ANKRD18A: variants seen among roughly 807,000 people sequenced by gnomAD.
The protein encoded by ANKRD18A is ankyrin repeat domain-containing protein 18A.
A neutral mutation model predicts 110.6 loss-of-function variants in ANKRD18A; 72 were observed. The observed-to-expected ratio is 0.65, with a 90% CI of 0.54 to 0.79. The LOEUF (loss-of-function observed/expected upper bound fraction) is 0.79. Among genes scored for constraint, ANKRD18A ranks in the 30% least tolerant of loss-of-function variants. ANKRD18A has a pLI of 0.00. For synonymous variants in ANKRD18A, 305 were observed against 410.3 expected (o/e 0.74, Z 3.10); for missense variants, 934 against 1,163.3 (o/e 0.80, Z 2.87).
rs1473061816 is a variant in ANKRD18A at position 38,620,569 on chromosome 9, C to T, written c.-284G>A. 1.0e-5 allele frequency: 11 copies of T among 1,084,626 alleles called. No homozygotes were observed. The South Asian group carries it at 2.5e-4, about 25-fold the overall frequency. The allele number at this position is 1,084,626 out of a possible 1,614,324, so 67.2% of individuals were successfully genotyped here. On this transcript the variant is annotated 5_prime_UTR_variant, in exon 1 of 16. Coordinates refer to ENST00000399703, the MANE Select transcript of ANKRD18A (RefSeq NM_147195.4). ...TAAGCCGTTAGGCGCGCGCCTGAAC[C>T]TCAGCGCTCCGAACTCTCAGACCGA... is the stretch of plus-strand genomic sequence containing the variant.
At chr9:38,619,731 C>T (rs981886521) in intron 1 of ANKRD18A, among the ~76,000 whole-genome samples, 5 of 152,264 alleles carry the variant, frequency 3.3e-5, no homozygotes, top group Admixed American at 2.6e-4. Context: ...TAGGTGGATT[C>T]GGATGTAAAA....
At chr9:38,573,147 T>A (rs757440521) in intron 15 of ANKRD18A, 11 of 1,130,292 alleles carry the variant, frequency 9.7e-6, no homozygotes, top group South Asian at 9.2e-5. Context: ...AAGTAAATAA[T>A]AATAATAATA....
At chr9:38,567,271 A>G (rs192158804), downstream of ANKRD18A, 12 of 152,354 alleles carry the variant, frequency 7.9e-5, no homozygotes, top group African/African-American at 2.9e-4. Context: ...GTTTCAATTG[A>G]GAACAAAGCC....
intron 8 of ANKRD18A, among the ~76,000 whole-genome samples, chr9:38,597,338 T>C (rs990980356): frequency 3.9e-5 from 6 of 152,140 alleles, no homozygotes; most frequent in African/African-American, 1.4e-4. Flanking sequence ...CTCATTGAAA[T>C]AGAGGAACCA....
chr9:38,605,549 T>A (rs1272510186), intron 6 of ANKRD18A, among the ~76,000 whole-genome samples: 1 of 152,220 alleles, frequency 6.6e-6, no homozygotes, highest in Non-Finnish European at 1.5e-5. Context: ...AATTTTATTA[T>A]AATTTTTGGA....
At chr9:38,619,406 C>T (rs1825992658) in intron 1 of ANKRD18A, among the ~76,000 whole-genome samples, 1 of 152,066 alleles carries the variant, frequency 6.6e-6, no homozygotes, top group Non-Finnish European at 1.5e-5. Context: ...ATTTCCTGTT[C>T]TGTTCCATTT....
At position 38,611,779 on chromosome 9, in the gene ANKRD18A, T is replaced by C. The variant is rs573689630; in HGVS notation, c.496-458A>G. On this transcript the variant is annotated intron_variant, in intron 3 of 15. Transcript: ENST00000399703. The stretch of plus-strand genomic sequence containing the variant: ...GTTTCTTAAACTATATTTCAAAGAG[T>C]AGTTGTTTTACCGAAAGAACTGTAC... Among the ~76,000 whole-genome samples the C allele has an allele frequency of 4.6e-5, 7 of 152,216 alleles. No homozygotes were observed. In the South Asian group the frequency reaches 1.2e-3, roughly 27 times the overall value.
intron 12 of ANKRD18A, among the ~76,000 whole-genome samples, chr9:38,578,654 A>T (rs550476568): frequency 1.4e-3 from 217 of 152,246 alleles, no homozygotes; most frequent in African/African-American, 5.0e-3. Context: ...TGGCAGAAAG[A>T]TCACTGGAGG....
At chr9:38,589,620 C>T (rs1482002696) in intron 10 of ANKRD18A, among the ~76,000 whole-genome samples, 2 of 152,318 alleles carry the variant, frequency 1.3e-5, no homozygotes, top group Admixed American at 1.3e-4. Context: ...TGAGTACACT[C>T]GATAAAGATA....
At position 38,610,378 on chromosome 9, in the gene ANKRD18A, A is replaced by T; in HGVS notation, c.635T>A (p.Leu212Ter). 1 of 1,550,408 alleles carries T rather than the reference A, an allele frequency of 6.4e-7. No homozygotes were observed. The highest frequency in any genetic ancestry group is 8.7e-7 in the Non-Finnish European group (1 of 1,146,610). The change falls in exon 5 of 16, where the codon TTG becomes TAG. Residue 212 changes from leucine to a stop codon, truncating the protein, a stop_gained. Coordinates refer to ENST00000399703, the MANE Select transcript of ANKRD18A (RefSeq NM_147195.4). LOFTEE classifies it high-confidence loss of function. ...AAGCAGGAGGGTGACGATACTTGAC[A>T]AGTTATGCTGTACTGCAAGTATGAG... ...TALILAVQHNLSSIVTLLLQQ... is the reference protein window; with the variant it reads ...TALILAVQHN
rs150528530 is a variant in ANKRD18A at position 38,575,708 on chromosome 9, G to T, written c.2742-10C>A. ...TATTTTCTTATCCGATCTGTAAAGA[G>T]AGCAAAGACAAATGCTTAGTATTTC... On this transcript the variant is annotated splice_polypyrimidine_tract_variant and intron_variant, in intron 14 of 15. Coordinates refer to ENST00000399703, the MANE Select transcript of ANKRD18A (RefSeq NM_147195.4). 1.3e-6 allele frequency: 2 copies of T among 1,538,386 alleles called. No individual in the cohort carries two copies. The highest frequency in any genetic ancestry group is 1.8e-6 in the Non-Finnish European group (2 of 1,141,496).
chr9:38,612,466 G>A (rs1255692585), intron 3 of ANKRD18A, among the ~76,000 whole-genome samples: 1 of 150,874 alleles, frequency 6.6e-6, no homozygotes, highest in Non-Finnish European at 1.5e-5. Context: ...CTGATGTATA[G>A]GGCTTGTTTC....
At chr9:38,569,311 C>T (rs1471483650), downstream of ANKRD18A, 2 of 976,240 alleles carry the variant, frequency 2.0e-6, no homozygotes, top group Admixed American at 6.2e-5. Flanking sequence ...TCAGGGATTA[C>T]CCTCAGTAGC....
chr9:38,609,503 A>C (rs1396218261), intron 5 of ANKRD18A, among the ~76,000 whole-genome samples: 1 of 151,950 alleles, frequency 6.6e-6, no homozygotes, highest in African/African-American at 2.4e-5. Flanking sequence ...ACAAAACAAA[A>C]CAAAACACTG....
downstream of ANKRD18A, chr9:38,567,031 A>G (rs1394414435): frequency 6.6e-6 from 1 of 152,244 alleles, no homozygotes; most frequent in Non-Finnish European, 1.5e-5. Context: ...AAAGACATCC[A>G]CAGCAGGCTT....
intron 10 of ANKRD18A, among the ~76,000 whole-genome samples, chr9:38,590,199 CCT>C (rs1303460991): frequency 2.0e-5 from 3 of 147,300 alleles, no homozygotes; most frequent in East Asian, 2.0e-4. Flanking sequence ...CTCTCTCTCT[CCT>C]CTCTCTCTTT....
At chr9:38,568,770 C>T (rs1383901480), downstream of ANKRD18A, 1 of 985,266 alleles carries the variant, frequency 1.0e-6, no homozygotes, top group Non-Finnish European at 1.2e-6. Flanking sequence ...GGCTGAGTCC[C>T]CTGGGTGGTA....
chr9:38,569,073 A>T, downstream of ANKRD18A: 1 of 985,296 alleles, frequency 1.0e-6, no homozygotes, highest in East Asian at 1.1e-4. Flanking sequence ...GGCTTCTTCC[A>T]TGTTGGGCTG....
In ANKRD18A at chr9:38,610,261, A is replaced by G. The variant is rs758009146; in HGVS notation, c.740+12T>C. 113 of 1,513,180 alleles carry G rather than the reference A, an allele frequency of 7.5e-5. No individual in the cohort carries two copies. Among genetic ancestry groups the G allele is most frequent in the Non-Finnish European group, 1.5e-5 (17 of 1,134,392 alleles). 93.7% of individuals were successfully genotyped at this position (1,513,180 alleles called of 1,614,324 possible). On this transcript the variant is annotated intron_variant, in intron 5 of 15. Coordinates refer to ENST00000399703, the MANE Select transcript of ANKRD18A (RefSeq NM_147195.4). ...ATTTAGTATTAACCGGTCTTTTAAT[A>G]TAAGCACATACCTTCTCAAATCAGA...
Sources: gnomAD v4.1 joint callset for allele counts (sites outside exome capture counted in the v4.1 genomes callset) on GRCh38, gnomAD v4.1.1 for gene constraint, MANE v1.5 for transcripts, NCBI Gene and HGNC (gene_info 2026-07-23, HGNC 2026-07-21) for gene names.